Variants in CUBN observed in about 807,000 individuals in gnomAD.
The protein encoded by CUBN is 460 kDa receptor.
CUBN carries 282 observed loss-of-function variants against 405.3 expected under a neutral mutation model. The observed-to-expected ratio is 0.70, with a 90% CI of 0.63 to 0.77. The LOEUF (loss-of-function observed/expected upper bound fraction) is 0.77, where lower values mean the gene tolerates loss of function less well. Among genes scored for constraint, CUBN ranks in the 30% least tolerant of loss-of-function variants. CUBN has a pLI of 0.00. For synonymous variants in CUBN, 1,684 were observed against 1,617.0 expected (o/e 1.04, Z -0.99); for missense variants, 4,514 against 4,475.2 (o/e 1.01, Z -0.25).
intron 2 of CUBN, among the ~76,000 whole-genome samples, chr10:17,128,171 T>G (rs1311283404): frequency 6.6e-6 from 1 of 152,208 alleles, no homozygotes; most frequent in Non-Finnish European, 1.5e-5. Context: ...TTTCCTATAA[T>G]ACCAGTTTAG....
Position 16,851,361 on chromosome 10 carries a change from A to C in CUBN, c.9537T>G (p.Tyr3179Ter). The C allele has an allele frequency of 6.2e-7, 1 of 1,614,158 alleles. No homozygotes were observed. The highest frequency in any genetic ancestry group is 8.5e-7 in the Non-Finnish European group (1 of 1,180,018). The change falls in exon 60 of 67, where the codon TAT becomes TAG. Residue 3179 changes from tyrosine to a stop codon, truncating the protein, a stop_gained. Coordinates refer to ENST00000377833, the MANE Select transcript of CUBN (RefSeq NM_001081.4). LOFTEE classifies it high-confidence loss of function. ...ASPDSDSNGM[Y>*]DKNLNCVWII... ...TCCATACACAGTTTAAATTCTTGTC[A>C]TACATTCCATTCGAATCAGAATCAG...
At chr10:17,046,928 T>A (rs919403782) in intron 23 of CUBN, among the ~76,000 whole-genome samples, 2 of 152,172 alleles carry the variant, frequency 1.3e-5, no homozygotes, top group African/African-American at 2.4e-5. Context: ...AAAATGATGA[T>A]AATGAAAGAA....
chr10:17,088,157 T>A lies in CUBN; in HGVS notation c.1947+7A>T, dbSNP rs749025833. ...GTGATATGTTCTATCTAAATATAAT[T>A]ATTTACCTCAAGGTAATCTTTGTTG... On this transcript the variant is annotated splice_region_variant and intron_variant, in intron 15 of 66. Coordinates refer to ENST00000377833, the MANE Select transcript of CUBN (RefSeq NM_001081.4). The A allele has an allele frequency of 6.2e-7, 1 of 1,604,916 alleles. No individual in the cohort carries two copies. The highest frequency in any genetic ancestry group is 8.5e-7 in the Non-Finnish European group (1 of 1,171,762).
In CUBN at chr10:16,913,814, C is replaced by T; in HGVS notation, c.7530G>A (p.Val2510=). 6 of 1,613,392 alleles carry T rather than the reference C, an allele frequency of 3.7e-6. No individual in the cohort carries two copies. The highest frequency in any genetic ancestry group is 4.2e-6 in the Non-Finnish European group (5 of 1,180,006). Residue 2510 remains valine, a synonymous_variant, in exon 48 of 67, where the codon GTG becomes GTA. Transcript: ENST00000377833. ...TCAGGCGGCAGGGAACACTTACTAT[C>T]ACATGCTCATTGTTGCAGGACGGAT... ...ATHPSCNNEH[V]IVFNGIRSNS...
At chr10:17,005,138 G>T (rs1243281453) in intron 28 of CUBN, among the ~76,000 whole-genome samples, 1 of 152,044 alleles carries the variant, frequency 6.6e-6, no homozygotes, top group Non-Finnish European at 1.5e-5. Flanking sequence ...TCCATTGGTG[G>T]TCTTTCCCTG....
chr10:16,886,913 C>T (rs531940689), intron 56 of CUBN, among the ~76,000 whole-genome samples: 58 of 152,290 alleles, frequency 3.8e-4, no homozygotes, highest in African/African-American at 1.4e-3. Context: ...CTCAGCCTCC[C>T]GAGTAGCTGG....
Position 17,085,813 on chromosome 10 carries a change from T to C in CUBN, c.1948-54A>G, listed in dbSNP as rs1588632696. 5 of 1,492,874 alleles carry C rather than the reference T, an allele frequency of 3.3e-6. No homozygotes were observed. The East Asian group carries it at 9.1e-5, about 27-fold the overall frequency. 92.5% of individuals were successfully genotyped at this position (1,492,874 alleles called of 1,614,324 possible). A position where few individuals can be genotyped will look rare whatever the true frequency, so the allele number is the denominator to read the frequency against. On this transcript the variant is annotated intron_variant, in intron 15 of 66. Coordinates refer to ENST00000377833, the MANE Select transcript of CUBN (RefSeq NM_001081.4). ...CAAAGTGGTCAGATTTTTAACAAAC[T>C]AGGTCACTTTGGATATTAACTTCAT...
chr10:17,129,094 G>C, intron 2 of CUBN, 27 bp downstream of exon 2: 2 of 1,586,368 alleles, frequency 1.3e-6, no homozygotes, highest in Admixed American at 3.3e-5. Flanking sequence ...TATACAAAAT[G>C]ACTTCAATAT....
At chr10:16,833,434 T>C (rs768183975) in intron 64 of CUBN, among the ~76,000 whole-genome samples, 7 of 152,186 alleles carry the variant, frequency 4.6e-5, no homozygotes, top group Non-Finnish European at 1.5e-5. Context: ...GCACTATATG[T>C]TAAGGTTATT....
chr10:16,978,277 A>G (rs1425932883), intron 31 of CUBN, among the ~76,000 whole-genome samples: 1 of 152,232 alleles, frequency 6.6e-6, no homozygotes, highest in East Asian at 1.9e-4. Context: ...CCTGCAGGAA[A>G]AAATGGTCCC....
intron 8 of CUBN, among the ~76,000 whole-genome samples, chr10:17,113,271 A>C (rs1009735323): frequency 2.0e-5 from 3 of 152,164 alleles, no homozygotes; most frequent in African/African-American, 7.2e-5. Context: ...TCTCAAAACA[A>C]CAACAACAAA....
intron 30 of CUBN, among the ~76,000 whole-genome samples, chr10:16,983,363 G>T (rs917341898): frequency 2.0e-5 from 3 of 152,158 alleles, no homozygotes; most frequent in African/African-American, 7.2e-5. Flanking sequence ...TAGAGTTGAA[G>T]AAGTGTGGCC....
chr10:17,112,988 G>A (rs979451261), intron 8 of CUBN, among the ~76,000 whole-genome samples: 7 of 152,124 alleles, frequency 4.6e-5, no homozygotes, highest in Non-Finnish European at 8.8e-5. Context: ...AAACCAGGCC[G>A]TGTGTGGTGG....
At position 16,860,653 on chromosome 10, in the gene CUBN, A is replaced by G. The variant is rs892135081; in HGVS notation, c.9454+8983T>C. Among the ~76,000 whole-genome samples, 3 of 152,276 alleles carry G rather than the reference A, an allele frequency of 2.0e-5. No homozygotes were observed. The East Asian group carries it at 5.8e-4, about 29-fold the overall frequency. ...CACTGTCCTCTCCTAGTAATTTTCT[A>G]TTTGAATAGTGGTGTCACAAGACAT... On this transcript the variant is annotated intron_variant, in intron 59 of 66. Transcript: ENST00000377833.
intron 13 of CUBN, among the ~76,000 whole-genome samples, chr10:17,102,682 C>T (rs1343931559): frequency 7.0e-6 from 1 of 143,504 alleles, no homozygotes; most frequent in Non-Finnish European, 1.5e-5. Flanking sequence ...TCTCTGCTCA[C>T]TACAAACTCC....
intron 12 of CUBN, 76 bp from the exon 13 acceptor site, chr10:17,103,313 T>C (rs1465435744): frequency 2.3e-6 from 2 of 888,038 alleles, no homozygotes; most frequent in East Asian, 2.5e-5. Flanking sequence ...ACCCTGCTGC[T>C]GATAAACTTA....
Position 16,964,798 on chromosome 10 carries a change from C to T in CUBN, c.4696-10250G>A, listed in dbSNP as rs141577721. On this transcript the variant is annotated intron_variant, in intron 31 of 66. Transcript: ENST00000377833. Reference sequence around the variant, plus strand: ...CCAGGAATGTATCAAGTTTAATGGACGTGGCTTCTGTTTTAAGATCTCCAA... The same window carrying T: ...CCAGGAATGTATCAAGTTTAATGGATGTGGCTTCTGTTTTAAGATCTCCAA... Among the ~76,000 whole-genome samples, 639 of 152,286 alleles carry T rather than the reference C, an allele frequency of 4.2e-3. 6 individuals carry two copies. The highest frequency in any genetic ancestry group is 0.015 in the African/African-American group (609 of 41,546).
chr10:16,886,051 A>G (rs1024564446), intron 56 of CUBN, among the ~76,000 whole-genome samples: 9 of 152,184 alleles, frequency 5.9e-5, no homozygotes, highest in Non-Finnish European at 1.0e-4. Context: ...ACCCTCCCTC[A>G]AGCCTTCATA....
At chr10:16,976,925 T>A (rs1338476856) in intron 31 of CUBN, among the ~76,000 whole-genome samples, 2 of 152,230 alleles carry the variant, frequency 1.3e-5, no homozygotes, top group Admixed American at 1.3e-4. Context: ...CTTCTTCATA[T>A]TGCAATGTCA....
Sources: gnomAD v4.1 joint callset for allele counts (sites outside exome capture counted in the v4.1 genomes callset) on GRCh38, gnomAD v4.1.1 for gene constraint, MANE v1.5 for transcripts, NCBI Gene and HGNC (gene_info 2026-07-23, HGNC 2026-07-21) for gene names.